The following RUFY2 variants were observed in gnomAD, a reference collection of about 807,000 sequenced individuals.
RUFY2 encodes the protein RUN and FYVE domain-containing protein 2.
A neutral mutation model predicts 94.4 loss-of-function variants in RUFY2; 49 were observed. That is an observed-to-expected ratio of 0.52 (90% CI 0.41 to 0.66). The LOEUF (loss-of-function observed/expected upper bound fraction) is 0.66, where lower values mean the gene tolerates loss of function less well. RUFY2 is among the 30% of genes least tolerant of loss of function. The probability of loss-of-function intolerance (pLI) is 0.00; values close to 1 mark genes in which losing one functional copy is unlikely to be tolerated. For synonymous variants in RUFY2, 255 were observed against 235.7 expected (o/e 1.08, Z -0.75); for missense variants, 541 against 692.8 (o/e 0.78, Z 2.46).
At position 68,383,875 on chromosome 10, in the gene RUFY2, T is replaced by C; in HGVS notation, c.862A>G (p.Lys288Glu). The C allele has an allele frequency of 1.9e-6, 3 of 1,613,936 alleles. No individual in the cohort carries two copies. The highest frequency in any genetic ancestry group is 1.6e-4 in the Middle Eastern group (1 of 6,062). ...VDVETELQTY[K>E]HSRQGLDEMY... Reference sequence around the variant, plus strand: ...TCATCTAGCCCCTGACGAGAATGCTTATATGTTTGAAGCTCAGTTTCCACA... The same window carrying C: ...TCATCTAGCCCCTGACGAGAATGCTCATATGTTTGAAGCTCAGTTTCCACA... Residue 288 changes from lysine (K) to glutamate (E), a missense_variant, in exon 10 of 18, where the codon AAG becomes GAG. Physicochemically the swap from Lys to Glu is moderately conservative, Grantham distance 56 (BLOSUM62 1). Transcript: ENST00000602465.
rs935783574 is a variant in RUFY2, at chr10:68,353,361, G to T, written c.1599+1992C>A. Among the ~76,000 whole-genome samples, 9 of 150,986 alleles carry T rather than the reference G, an allele frequency of 6.0e-5. No homozygotes were observed. In the East Asian group the frequency reaches 1.2e-3, roughly 20 times the overall value. ...AAAAAAAAAAAAATGAGCTAGGCGT[G>T]GGGGCAGGTGCCTGTAATTTCAGCT... On this transcript the variant is annotated intron_variant, in intron 16 of 17. Transcript: ENST00000602465.
At chr10:68,390,003 T>A (rs1380115695) in intron 7 of RUFY2, among the ~76,000 whole-genome samples, 2 of 152,210 alleles carry the variant, frequency 1.3e-5, no homozygotes, top group East Asian at 3.8e-4. Context: ...GGGAGACTTT[T>A]GTTTTATGTT....
At chr10:68,398,263 C>A (rs140535598) in intron 3 of RUFY2, among the ~76,000 whole-genome samples, 175 of 152,120 alleles carry the variant, frequency 1.2e-3, no homozygotes, top group African/African-American at 4.0e-3. Flanking sequence ...AGAGAAATCA[C>A]TGTGCTGCTT....
intron 16 of RUFY2, among the ~76,000 whole-genome samples, chr10:68,355,062 G>T (rs2046949492): frequency 6.6e-6 from 1 of 152,068 alleles, no homozygotes; most frequent in Non-Finnish European, 1.5e-5. Context: ...GGCCAGGCTG[G>T]TTTCAAACTC....
intron 4 of RUFY2, among the ~76,000 whole-genome samples, chr10:68,396,537 T>C (rs1291155660): frequency 6.6e-6 from 1 of 151,882 alleles, no homozygotes; most frequent in Non-Finnish European, 1.5e-5. Context: ...GAGGAAGAAA[T>C]GTAATATATA....
intron 2 of RUFY2, among the ~76,000 whole-genome samples, chr10:68,402,721 T>C (rs1400751112): frequency 7.6e-6 from 1 of 132,044 alleles, no homozygotes; most frequent in Non-Finnish European, 1.5e-5. Flanking sequence ...GAGACCCCCA[T>C]CTCAAAAAAA....
At chr10:68,394,296 C>T (rs1476472836) in intron 5 of RUFY2, 32 bp downstream of exon 5, 2 of 1,613,366 alleles carry the variant, frequency 1.2e-6, no homozygotes, top group Admixed American at 3.3e-5. Context: ...ACTGAAAACA[C>T]TCTGCATTTG....
At chr10:68,397,904 G>T (rs535341673) in intron 3 of RUFY2, among the ~76,000 whole-genome samples, 49 of 151,900 alleles carry the variant, frequency 3.2e-4, no homozygotes, top group African/African-American at 1.2e-3. Flanking sequence ...CGAGGCGAGC[G>T]GATCACAAGG....
At chr10:68,405,861 T>C (rs979289541) in intron 1 of RUFY2, 1 of 195,866 alleles carries the variant, frequency 5.1e-6, no homozygotes, top group African/African-American at 2.4e-5. Flanking sequence ...CCAGTCTGAA[T>C]ACCAAGTTAA....
Position 68,355,293 on chromosome 10 carries a change from C to A in RUFY2, c.1599+60G>T, listed in dbSNP as rs1210085251. The A allele has an allele frequency of 6.0e-6, 7 of 1,157,700 alleles. No homozygotes were observed. In the African/African-American group the frequency reaches 7.6e-5, roughly 13 times the overall value. The allele number at this position is 1,157,700 out of a possible 1,614,324, so 71.7% of individuals were successfully genotyped here. ...AATAATACATTAGATTCACACAGGG[C>A]ATTACCTTCCATTGGAGACTTTCAC... On this transcript the variant is annotated intron_variant, in intron 16 of 17. Transcript: ENST00000602465.
At chr10:68,405,321 A>AAC in intron 1 of RUFY2, 1 of 316,926 alleles carries the variant, frequency 3.2e-6, no homozygotes, top group Non-Finnish European at 4.6e-6. Flanking sequence ...CACAAAAAAA[A>AAC]AAAAAAGAAA....
chr10:68,396,832 T>C lies in RUFY2; in HGVS notation c.346A>G (p.Lys116Glu). Residue 116 changes from lysine (K) to glutamate (E), a missense_variant, in exon 4 of 18, where the codon AAA (lysine) becomes GAA (glutamate). Physicochemically the swap from Lys to Glu is moderately conservative, Grantham distance 56 (BLOSUM62 1). Coordinates refer to ENST00000602465, the MANE Select transcript of RUFY2 (RefSeq NM_001330103.2). ...RAWLRLALMQ[K>E]KMADYLRCLI... ...CAACGTAAGTAATCGGCCATTTTTTTTTGCATGAGGGCTAATCGAAGCCAC... is the reference window on the plus strand; with the variant it reads ...CAACGTAAGTAATCGGCCATTTTTTCTTGCATGAGGGCTAATCGAAGCCAC... 1 of 1,614,158 alleles carries C rather than the reference T, an allele frequency of 6.2e-7. No homozygotes were observed. The highest frequency in any genetic ancestry group is 8.5e-7 in the Non-Finnish European group (1 of 1,180,016).
chr10:68,371,337 G>A (rs530123796), intron 13 of RUFY2, among the ~76,000 whole-genome samples: 81 of 151,912 alleles, frequency 5.3e-4, no homozygotes, highest in African/African-American at 1.9e-3. Context: ...CAGGAGAATC[G>A]CTTGAATCCA....
intron 13 of RUFY2, among the ~76,000 whole-genome samples, chr10:68,366,021 C>G (rs866869266): frequency 2.0e-5 from 3 of 151,680 alleles, no homozygotes; most frequent in African/African-American, 7.3e-5. Context: ...AAGGCAAAAA[C>G]CACAAAAGGA....
intron 16 of RUFY2, among the ~76,000 whole-genome samples, chr10:68,353,082 C>T (rs2046798327): frequency 6.6e-6 from 1 of 152,030 alleles, no homozygotes; most frequent in Admixed American, 6.6e-5. Context: ...CCTGTAAGCC[C>T]AGCACTTTGG....
intron 11 of RUFY2, 45 bp from the exon 12 acceptor site, chr10:68,379,566 T>C (rs764385423): frequency 7.4e-7 from 1 of 1,353,696 alleles, no homozygotes; most frequent in Admixed American, 1.8e-5. Context: ...TTTGTGTGTG[T>C]GTGTTTGTGT....
Position 68,364,108 on chromosome 10 carries a change from TGCA to T in RUFY2, c.1328_1330del (p.Val443_Gln444delinsGlu). ...CTCAATCTTCAAGTCAGTTTCCAGTTGCACCCTTGAATGACAAATAACACACAG... is the reference window on the plus strand; with the variant it reads ...CTCAATCTTCAAGTCAGTTTCCAGTTCCCTTGAATGACAAATAACACACAG... On this transcript the variant is annotated inframe_deletion and splice_region_variant, in exon 14 of 18. Coordinates refer to ENST00000602465, the MANE Select transcript of RUFY2 (RefSeq NM_001330103.2). 1 of 1,611,780 alleles carries T rather than the reference TGCA, an allele frequency of 6.2e-7. No individual in the cohort carries two copies. Among genetic ancestry groups the T allele is most frequent in the South Asian group, 1.1e-5 (1 of 90,494 alleles).
At chr10:68,358,709 G>C (rs924674933) in intron 15 of RUFY2, among the ~76,000 whole-genome samples, 2 of 152,048 alleles carry the variant, frequency 1.3e-5, no homozygotes, top group Non-Finnish European at 2.9e-5. Context: ...TCAGGAGTTC[G>C]AGACCAGCCT....
chr10:68,377,658 C>T, intron 12 of RUFY2: 3 of 985,310 alleles, frequency 3.0e-6, no homozygotes, highest in Non-Finnish European at 3.6e-6. Context: ...TTTCATCTTT[C>T]CTGTTTTTAT....
Sources: gnomAD v4.1 joint callset for allele counts (sites outside exome capture counted in the v4.1 genomes callset) on GRCh38, gnomAD v4.1.1 for gene constraint, MANE v1.5 for transcripts, NCBI Gene and HGNC (gene_info 2026-07-23, HGNC 2026-07-21) for gene names.